Variants in CP observed in about 807,000 individuals in gnomAD.
The protein encoded by CP is ceruloplasmin, also known as caeruloplasmin.
Under a neutral mutation model 122.4 loss-of-function variants are expected in CP, and 64 were observed. The ratio of observed to expected loss-of-function variants is 0.52; its 90% CI spans 0.43 to 0.64. The LOEUF (loss-of-function observed/expected upper bound fraction) is 0.64. CP is among the 30% of genes least tolerant of loss of function. CP has a pLI of 0.00. For synonymous variants in CP, 440 were observed against 436.4 expected (o/e 1.01, Z -0.10); for missense variants, 1,167 against 1,284.4 (o/e 0.91, Z 1.40).
rs770062307 is a variant in CP, at chr3:149,210,396, A to C, written c.395-17T>G. Reference sequence around the variant, plus strand: ...AGATGGCCCCTAGGAAGCAACATGCAATGAAGGTGCAAAGTGAATGTGTTT... The same window carrying C: ...AGATGGCCCCTAGGAAGCAACATGCCATGAAGGTGCAAAGTGAATGTGTTT... On this transcript the variant is annotated splice_polypyrimidine_tract_variant and intron_variant, in intron 2 of 18. Transcript: ENST00000264613. 6.2e-7 allele frequency: 1 copy of C among 1,606,172 alleles called. No individual in the cohort carries two copies. Among genetic ancestry groups the C allele is most frequent in the South Asian group, 1.1e-5 (1 of 90,898 alleles).
At chr3:149,210,446 T>C (rs1412591957) in intron 2 of CP, 67 bp from the exon 3 acceptor site, 1 of 1,300,688 alleles carries the variant, frequency 7.7e-7, no homozygotes, top group African/African-American at 1.5e-5. Context: ...GAATAGATAG[T>C]CCATTAATTC....
chr3:149,197,457 C>T (rs1311916537), intron 9 of CP, among the ~76,000 whole-genome samples: 1 of 151,432 alleles, frequency 6.6e-6, no homozygotes, highest in Admixed American at 6.6e-5. Context: ...TAAGGGACAA[C>T]TATAAATTAT....
chr3:149,190,768 C>A (rs1252141346), intron 9 of CP, among the ~76,000 whole-genome samples: 2 of 151,706 alleles, frequency 1.3e-5, no homozygotes, highest in Non-Finnish European at 2.9e-5. Flanking sequence ...CTCTAGGGAG[C>A]AGATGGTTCC....
In CP at chr3:149,181,988, C is replaced by G. The variant is rs35593818; in HGVS notation, c.2554+17G>C. ...CCTGTTAAAATGCACCACCCCCACC[C>G]CCGCCCCCGTGAGTACCTGGTAATG... On this transcript the variant is annotated intron_variant, in intron 14 of 18. Coordinates refer to ENST00000264613, the MANE Select transcript of CP (RefSeq NM_000096.4). 1 of 676,670 alleles carries G rather than the reference C, an allele frequency of 1.5e-6. No homozygotes were observed. The highest frequency in any genetic ancestry group is 2.0e-5 in the Admixed American group (1 of 50,642). 41.9% of individuals were successfully genotyped at this position (676,670 alleles called of 1,614,324 possible).
chr3:149,210,278 TTTGTTC>T lies in CP; in HGVS notation c.490_495del (p.Glu164_Gln165del). 6.2e-7 allele frequency: 1 copy of T among 1,614,104 alleles called. No homozygotes were observed. Among genetic ancestry groups the T allele is most frequent in the Non-Finnish European group, 8.5e-7 (1 of 1,179,962 alleles). ...CAATTGCCATCTCCTTCCCCAGGACTTTGTTCTTCAGTGGCAAGCAACATGTATGTA... is the reference window on the plus strand; with the variant it reads ...CAATTGCCATCTCCTTCCCCAGGACTTTCAGTGGCAAGCAACATGTATGTA... On this transcript the variant is annotated inframe_deletion, in exon 3 of 19. Coordinates refer to ENST00000264613, the MANE Select transcript of CP (RefSeq NM_000096.4).
At chr3:149,191,954 G>A (rs1726573607) in intron 9 of CP, among the ~76,000 whole-genome samples, 1 of 151,984 alleles carries the variant, frequency 6.6e-6, no homozygotes, top group Non-Finnish European at 1.5e-5. Context: ...ACTAACTATA[G>A]CTAAGAGATG....
At chr3:149,200,862 C>CA (rs761575199) in intron 7 of CP, among the ~76,000 whole-genome samples, 11 of 151,564 alleles carry the variant, frequency 7.3e-5, no homozygotes, top group Admixed American at 1.3e-4. Flanking sequence ...TGTGTACTCA[C>CA]AAAAAAACAG....
In CP at chr3:149,163,906, C is replaced by T. The variant is rs371304067; in HGVS notation, c.*14-1031G>A. 38 of 1,579,606 alleles carry T rather than the reference C, an allele frequency of 2.4e-5. No individual in the cohort carries two copies. The highest frequency in any genetic ancestry group is 5.0e-5 in the Admixed American group (3 of 59,892). On this transcript the variant is annotated intron_variant, in intron 5 of 5. Transcript: ENST00000479771. ...GTTCACGTCGTAATATCATCTGATT[C>T]TTTAGCTGATAAAAATTATACAGAA...
chr3:149,170,965 G>A (rs1317094703), downstream of CP, among the ~76,000 whole-genome samples: 11 of 152,072 alleles, frequency 7.2e-5, no homozygotes, highest in Non-Finnish European at 1.6e-4. Context: ...TTTAATGTAT[G>A]TTACATTCCT....
Position 149,202,252 on chromosome 3 carries a change from A to G in CP, c.1209-11T>C. ...AACACCGCTGAGTCACTGCAGGGGGAAAAAAGTGTTTAATGCTGGGGTTGA... is the reference window on the plus strand; with the variant it reads ...AACACCGCTGAGTCACTGCAGGGGGGAAAAAGTGTTTAATGCTGGGGTTGA... On this transcript the variant is annotated splice_polypyrimidine_tract_variant and intron_variant, in intron 6 of 18. Transcript: ENST00000264613. 1.9e-6 allele frequency: 3 copies of G among 1,613,878 alleles called. No homozygotes were observed. Among genetic ancestry groups the G allele is most frequent in the Non-Finnish European group, 2.5e-6 (3 of 1,179,884 alleles).
intron 9 of CP, among the ~76,000 whole-genome samples, chr3:149,196,744 A>AG (rs1189055539): frequency 7.7e-6 from 1 of 130,432 alleles, no homozygotes; most frequent in Non-Finnish European, 1.6e-5. Context: ...AAGTAAAAAA[A>AG]AATTGAGAAG....
In CP at chr3:149,163,835, G is replaced by A. The variant is rs2108173272; in HGVS notation, c.*14-960C>T. 3 of 1,431,540 alleles carry A rather than the reference G, an allele frequency of 2.1e-6. No homozygotes were observed. The highest frequency in any genetic ancestry group is 1.8e-4 in the Middle Eastern group (1 of 5,590). 88.7% of individuals were successfully genotyped at this position (1,431,540 alleles called of 1,614,324 possible). ...TTTTGTTTATGAGAAATTCTTTTATGTTTTAGATAAATGCCTGTAGTCATT... is the reference window on the plus strand; with the variant it reads ...TTTTGTTTATGAGAAATTCTTTTATATTTTAGATAAATGCCTGTAGTCATT... On this transcript the variant is annotated intron_variant, in intron 5 of 5. Transcript: ENST00000479771.
chr3:149,168,221 C>A, downstream of CP: 1 of 467,492 alleles, frequency 2.1e-6, no homozygotes. Flanking sequence ...AACAAATTAT[C>A]ACAGTCATAG....
At chr3:149,173,857 T>A in intron 18 of CP, 127 bp from the exon 19 acceptor site, 1 of 502,320 alleles carries the variant, frequency 2.0e-6, no homozygotes, top group South Asian at 2.9e-5. Flanking sequence ...ATTTTTCTGC[T>A]TTTTATATGT....
intron 10 of CP, 33 bp downstream of exon 10, chr3:149,188,019 A>T: frequency 6.2e-7 from 1 of 1,610,116 alleles, no homozygotes; most frequent in Admixed American, 1.7e-5. Context: ...TACTAAAATA[A>T]CTTGGTAGAT....
chr3:149,200,109 T>C, intron 7 of CP: 1 of 500,726 alleles, frequency 2.0e-6, no homozygotes, highest in Non-Finnish European at 3.6e-6. Context: ...TTTGTACAAG[T>C]CAGTTAGTAA....
chr3:149,175,390 A>G (rs1725353276), intron 18 of CP, among the ~76,000 whole-genome samples: 1 of 152,190 alleles, frequency 6.6e-6, no homozygotes, highest in Admixed American at 6.5e-5. Flanking sequence ...AGGAGCAGAA[A>G]TTAAAACTTT....
At chr3:149,221,058 T>C (rs900788717) in intron 1 of CP, among the ~76,000 whole-genome samples, 9 of 152,210 alleles carry the variant, frequency 5.9e-5, no homozygotes, top group Non-Finnish European at 1.0e-4. Context: ...TATGCACATA[T>C]GTGCCAAGCA....
In CP at chr3:149,178,524, A is replaced by T. The variant is rs751116516; in HGVS notation, c.2769T>A (p.Phe923Leu). 1 of 1,613,130 alleles carries T rather than the reference A, an allele frequency of 6.2e-7. No individual in the cohort carries two copies. The highest frequency in any genetic ancestry group is 1.3e-5 in the African/African-American group (1 of 74,902). ...KLEFALLFLV[F>L]DENESWYLDD... ...CTAAGTACCAAGATTCATTCTCATC[A>T]AAAACTAGAAACAGAAGGGCAAATT... Residue 923 changes from phenylalanine to leucine, a missense_variant, in exon 16 of 19, where the codon TTT (phenylalanine) becomes TTA (leucine). Physicochemically the swap from Phe to Leu is conservative, Grantham distance 22. Around this residue, in one of 2 missense-constraint regions of CP, gnomAD observed 525 missense variants for 657.2 expected, o/e 0.80. Transcript: ENST00000264613.
Sources: gnomAD v4.1 joint callset for allele counts (sites outside exome capture counted in the v4.1 genomes callset) on GRCh38, gnomAD v4.1.1 for gene constraint, gnomAD v4.1.1 regional missense constraint, MANE v1.5 for transcripts, NCBI Gene and HGNC (gene_info 2026-07-23, HGNC 2026-07-21) for gene names.